SLC22A3: variants seen among roughly 807,000 people sequenced by gnomAD.
The protein encoded by SLC22A3 is solute carrier family 22 member 3.
SLC22A3 carries 51 observed loss-of-function variants against 59.1 expected under a neutral mutation model. The observed-to-expected ratio is 0.86, with a 90% CI of 0.69 to 1.09. The LOEUF is 1.09. Ranked by LOEUF, SLC22A3 falls within the 50% of genes least tolerant of loss-of-function variation. The pLI, the probability that SLC22A3 is intolerant of heterozygous loss-of-function variation, is 0.00. For missense variants in SLC22A3, 711 were observed against 726.3 expected (o/e 0.98, Z 0.24); for synonymous variants, 325 against 292.0 (o/e 1.11, Z -1.15).
At chr6:160,364,944 T>C (rs2457556) in intron 1 of SLC22A3, among the ~76,000 whole-genome samples, 124,743 of 152,124 alleles carry the variant, frequency 0.82, 51,472 homozygotes, top group East Asian at 1. Context: ...TTTACCTTAT[T>C]GAGTTTATAT....
At chr6:160,387,522 G>A (rs1030005547) in intron 1 of SLC22A3, among the ~76,000 whole-genome samples, 5 of 152,176 alleles carry the variant, frequency 3.3e-5, no homozygotes, top group African/African-American at 1.2e-4. Flanking sequence ...GGATTTGTCA[G>A]AACCTTAAAA....
At chr6:160,397,954 A>G (rs773087428) in intron 1 of SLC22A3, 25 bp from the exon 2 acceptor site, 1 of 1,543,218 alleles carries the variant, frequency 6.5e-7, no homozygotes, top group Non-Finnish European at 9.0e-7. Context: ...GCATGTCTCC[A>G]TGTGTGTTTT....
chr6:160,416,085 GGGTAGGCA>G (rs1243267572), intron 5 of SLC22A3, among the ~76,000 whole-genome samples: 18 of 152,322 alleles, frequency 1.2e-4, no homozygotes, highest in African/African-American at 4.3e-4. Flanking sequence ...CTCATTTCAT[GGGTAGGCA>G]AACTCTGTCT....
At chr6:160,419,705 T>G (rs1319077924) in intron 5 of SLC22A3, among the ~76,000 whole-genome samples, 1 of 152,206 alleles carries the variant, frequency 6.6e-6, no homozygotes, top group Admixed American at 6.5e-5. Flanking sequence ...ATGGTGCCAA[T>G]TCTACCAGCA....
rs1006003982 is a variant in SLC22A3, at chr6:160,408,922, G to A, written c.857+1G>A. The A allele has an allele frequency of 1.2e-6, 2 of 1,612,492 alleles. No individual in the cohort carries two copies. The highest frequency in any genetic ancestry group is 1.7e-6 in the Non-Finnish European group (2 of 1,179,350). ...GCTTTCTCTTCCTCCTTTATTACTG[G>A]TAATGTGGTTTTGGTTATCATCATA... On this transcript the variant is annotated splice_donor_variant, in intron 4 of 10. Coordinates refer to ENST00000275300, the MANE Select transcript of SLC22A3 (RefSeq NM_021977.4). LOFTEE classifies it high-confidence loss of function.
chr6:160,405,349 A>G (rs1383171670), intron 2 of SLC22A3, among the ~76,000 whole-genome samples: 1 of 152,122 alleles, frequency 6.6e-6, no homozygotes, highest in Non-Finnish European at 1.5e-5. Flanking sequence ...TTAAAACAGC[A>G]GTGAGATACC....
chr6:160,397,248 C>T, intron 1 of SLC22A3, among the ~76,000 whole-genome samples: 1 of 152,056 alleles, frequency 6.6e-6, no homozygotes, highest in East Asian at 1.9e-4. Context: ...TCATGCGCCG[C>T]CCACAATAGG....
At chr6:160,425,633 A>G (rs1477531089) in intron 5 of SLC22A3, among the ~76,000 whole-genome samples, 1 of 152,160 alleles carries the variant, frequency 6.6e-6, no homozygotes, top group Non-Finnish European at 1.5e-5. Flanking sequence ...GAAGTTGAAG[A>G]ACATGCATAT....
chr6:160,436,690 A>T, intron 5 of SLC22A3, 90 bp from the exon 6 acceptor site: 2 of 802,420 alleles, frequency 2.5e-6, no homozygotes. Flanking sequence ...CTTCAGTAAG[A>T]TCATTTGATT....
intron 1 of SLC22A3, among the ~76,000 whole-genome samples, chr6:160,391,221 C>T (rs1050336640): frequency 7.9e-5 from 12 of 152,070 alleles, no homozygotes; most frequent in East Asian, 1.9e-4. Flanking sequence ...CTATAAAATA[C>T]GCTGAAATTA....
intron 5 of SLC22A3, among the ~76,000 whole-genome samples, chr6:160,428,976 A>C (rs1229165766): frequency 1.3e-5 from 2 of 152,150 alleles, no homozygotes; most frequent in Non-Finnish European, 2.9e-5. Flanking sequence ...ACTCCTGGCT[A>C]TTCTGGGCTG....
Position 160,433,347 on chromosome 6 carries a change from G to A in SLC22A3, c.976-3433G>A, listed in dbSNP as rs535797769. 2.8e-3 allele frequency among the ~76,000 whole-genome samples: 424 copies of A among 152,276 alleles called. 1 individual carries two copies. Among genetic ancestry groups the A allele is most frequent in the Non-Finnish European group, 4.3e-3 (295 of 68,012 alleles). ...TCCTTTATTTTATCACTTAAAAACAGTGAAGAATCATGAACAACTGAAAAA... is the reference window on the plus strand; with the variant it reads ...TCCTTTATTTTATCACTTAAAAACAATGAAGAATCATGAACAACTGAAAAA... On this transcript the variant is annotated intron_variant, in intron 5 of 10. Coordinates refer to ENST00000275300, the MANE Select transcript of SLC22A3 (RefSeq NM_021977.4).
intron 1 of SLC22A3, among the ~76,000 whole-genome samples, chr6:160,391,879 A>C (rs898169769): frequency 2.6e-5 from 4 of 152,224 alleles, no homozygotes; most frequent in African/African-American, 9.7e-5. Flanking sequence ...CAATTTCACA[A>C]GTTTAGAAAA....
At chr6:160,383,659 AC>A (rs1443482941) in intron 1 of SLC22A3, among the ~76,000 whole-genome samples, 1 of 152,158 alleles carries the variant, frequency 6.6e-6, no homozygotes, top group Non-Finnish European at 1.5e-5. Flanking sequence ...CTCACCAATC[AC>A]CAACCACTCA....
intron 7 of SLC22A3, among the ~76,000 whole-genome samples, chr6:160,440,185 C>T (rs1490623492): frequency 1.3e-5 from 2 of 152,138 alleles, no homozygotes; most frequent in Admixed American, 1.3e-4. Context: ...AAAATAAAGA[C>T]CTTTCTTTAT....
chr6:160,355,667 G>A (rs1784812681), intron 1 of SLC22A3, among the ~76,000 whole-genome samples: 1 of 152,062 alleles, frequency 6.6e-6, no homozygotes, highest in Non-Finnish European at 1.5e-5. Context: ...AGCTACCGGG[G>A]AGGTTGAGGC....
chr6:160,440,187 T>C (rs1788494149), intron 7 of SLC22A3, among the ~76,000 whole-genome samples: 1 of 152,248 alleles, frequency 6.6e-6, no homozygotes, highest in Non-Finnish European at 1.5e-5. Flanking sequence ...AATAAAGACC[T>C]TTCTTTATCC....
intron 10 of SLC22A3, among the ~76,000 whole-genome samples, chr6:160,450,247 G>T (rs889450397): frequency 1.3e-5 from 2 of 152,130 alleles, no homozygotes; most frequent in Non-Finnish European, 2.9e-5. Context: ...CCCTAGGAAC[G>T]CATTCCTTTC....
chr6:160,393,911 G>A (rs1387091255), intron 1 of SLC22A3, among the ~76,000 whole-genome samples: 1 of 152,254 alleles, frequency 6.6e-6, no homozygotes, highest in African/African-American at 2.4e-5. Flanking sequence ...CCCTTCAAAA[G>A]TTTCTCATTT....
Sources: gnomAD v4.1 joint callset for allele counts (sites outside exome capture counted in the v4.1 genomes callset) on GRCh38, gnomAD v4.1.1 for gene constraint, MANE v1.5 for transcripts, NCBI Gene and HGNC (gene_info 2026-07-23, HGNC 2026-07-21) for gene names.